Variants in GMEB2 observed in about 807,000 individuals in gnomAD.
The protein encoded by GMEB2 is glucocorticoid modulatory element binding protein 2.
In GMEB2, 7 loss-of-function variants were observed where a neutral mutation model predicts 45.7. The observed-to-expected ratio is 0.15, with a 90% CI of 0.09 to 0.29. The LOEUF (loss-of-function observed/expected upper bound fraction) is 0.29, where lower values mean the gene tolerates loss of function less well. Among genes scored for constraint, GMEB2 ranks in the 10% least tolerant of loss-of-function variants. The pLI is 1.00. For synonymous variants in GMEB2, 322 were observed against 323.6 expected (o/e 1.00, Z 0.05); for missense variants, 582 against 739.2 (o/e 0.79, Z 2.47).
At chr20:63,623,325 G>A (rs2089651114) in intron 1 of GMEB2, among the ~76,000 whole-genome samples, 2 of 152,152 alleles carry the variant, frequency 1.3e-5, no homozygotes, top group Non-Finnish European at 2.9e-5. Context: ...TTTCCCATTA[G>A]GGCATCAGGG....
At chr20:63,591,221 AAC>A (rs35850185) in intron 9 of GMEB2, among the ~76,000 whole-genome samples, 11 of 151,916 alleles carry the variant, frequency 7.2e-5, no homozygotes, top group African/African-American at 2.7e-4. Flanking sequence ...ACAAACAGTG[AAC>A]ACACAAAGTG....
intron 2 of GMEB2, among the ~76,000 whole-genome samples, chr20:63,615,152 C>G (rs1369995823): frequency 6.6e-6 from 1 of 152,146 alleles, no homozygotes; most frequent in Non-Finnish European, 1.5e-5. Context: ...TTGCGATCCT[C>G]CAAACCCAGC....
At chr20:63,624,643 C>T (rs1325667358) in intron 1 of GMEB2, among the ~76,000 whole-genome samples, 1 of 152,168 alleles carries the variant, frequency 6.6e-6, no homozygotes, top group African/African-American at 2.4e-5. Flanking sequence ...CAGGGCTTTG[C>T]AGAGGATTAC....
At chr20:63,600,201 C>T (rs1024766377) in intron 4 of GMEB2, among the ~76,000 whole-genome samples, 14 of 151,852 alleles carry the variant, frequency 9.2e-5, no homozygotes, top group African/African-American at 3.4e-4. Context: ...TGCCACCATG[C>T]CTGGCCAATT....
intron 1 of GMEB2, among the ~76,000 whole-genome samples, chr20:63,626,077 G>C (rs1235586673): frequency 6.6e-6 from 1 of 152,214 alleles, no homozygotes; most frequent in East Asian, 1.9e-4. Context: ...CATGACTGAC[G>C]ACGGGCCCAC....
chr20:63,613,104 G>A (rs187394833), intron 2 of GMEB2, among the ~76,000 whole-genome samples: 1 of 152,188 alleles, frequency 6.6e-6, no homozygotes, highest in Non-Finnish European at 1.5e-5. Context: ...TGGGACTACA[G>A]GTGCCTGCCA....
intron 2 of GMEB2, among the ~76,000 whole-genome samples, chr20:63,608,901 C>A (rs1381048158): frequency 2.9e-5 from 1 of 34,592 alleles, no homozygotes; most frequent in African/African-American, 6.6e-5. Flanking sequence ...CCCCTCTGAC[C>A]TCACCTCCAT....
At chr20:63,598,397 A>G (rs1892677805) in intron 4 of GMEB2, among the ~76,000 whole-genome samples, 1 of 151,242 alleles carries the variant, frequency 6.6e-6, no homozygotes, top group Non-Finnish European at 1.5e-5. Context: ...AGCCAGGGGA[A>G]CCCTCCTGCT....
At chr20:63,604,875 G>A in intron 2 of GMEB2, 35 bp from the exon 3 acceptor site, 1 of 1,215,388 alleles carries the variant, frequency 8.2e-7, no homozygotes, top group Non-Finnish European at 1.2e-6. Context: ...ATAGAATCAG[G>A]ATCCCGGAGG....
In GMEB2 at chr20:63,589,189, C is replaced by A. The variant is rs766901819; in HGVS notation, c.*900G>T. Reference sequence around the variant, plus strand: ...CCAGGACTGAAGCCCTAGGGACACACCTCATGGATCTCAGACCCCTGGGAG... The same window carrying A: ...CCAGGACTGAAGCCCTAGGGACACAACTCATGGATCTCAGACCCCTGGGAG... On this transcript the variant is annotated 3_prime_UTR_variant, in exon 10 of 10. Transcript: ENST00000370077. 7.5e-6 allele frequency: 3 copies of A among 399,228 alleles called. No homozygotes were observed. The highest frequency in any genetic ancestry group is 2.1e-5 in the African/African-American group (1 of 48,760). 24.7% of individuals were successfully genotyped at this position (399,228 alleles called of 1,614,324 possible).
chr20:63,622,620 T>G (rs1177408791), intron 1 of GMEB2, among the ~76,000 whole-genome samples: 1 of 152,070 alleles, frequency 6.6e-6, no homozygotes, highest in Non-Finnish European at 1.5e-5. Flanking sequence ...TCTTCCTACC[T>G]GGGCATGGGT....
intron 5 of GMEB2, among the ~76,000 whole-genome samples, chr20:63,596,682 G>A (rs975881920): frequency 6.6e-6 from 1 of 152,236 alleles, no homozygotes; most frequent in Non-Finnish European, 1.5e-5. Context: ...AAGCAAGGTA[G>A]AGGCCAGGCC....
In GMEB2 at chr20:63,592,476, C is replaced by A; in HGVS notation, c.829+57G>T. ...GGGGCAGGAGGGCCAGTGGCCTCAC[C>A]TCCTGCAGAGACTCCTGGGCTGAGT... On this transcript the variant is annotated intron_variant, in intron 8 of 9. Coordinates refer to ENST00000370077, the MANE Select transcript of GMEB2 (RefSeq NM_012384.5). This position sits in a 1 kb window ranked among gnomAD's most constrained non-coding sequence, Gnocchi z 8.2. 1.4e-6 allele frequency: 2 copies of A among 1,447,600 alleles called. No homozygotes were observed. Among genetic ancestry groups the A allele is most frequent in the Non-Finnish European group, 1.9e-6 (2 of 1,045,032 alleles). 89.7% of individuals were successfully genotyped at this position (1,447,600 alleles called of 1,614,324 possible).
At chr20:63,610,293 A>G (rs1012583973) in intron 2 of GMEB2, among the ~76,000 whole-genome samples, 1 of 152,192 alleles carries the variant, frequency 6.6e-6, no homozygotes, top group Non-Finnish European at 1.5e-5. Flanking sequence ...AGGCCGAGGC[A>G]GGCGGATCAC....
chr20:63,626,643 C>T (rs2089675838), intron 1 of GMEB2, among the ~76,000 whole-genome samples: 1 of 151,724 alleles, frequency 6.6e-6, no homozygotes, highest in Non-Finnish European at 1.5e-5. Flanking sequence ...CCCTGCGGGT[C>T]GCACCCCTGC....
chr20:63,591,229 AAGT>A (rs2083144476), intron 9 of GMEB2, among the ~76,000 whole-genome samples: 1 of 150,426 alleles, frequency 6.6e-6, no homozygotes, highest in East Asian at 2.0e-4. Flanking sequence ...TGAACACACA[AAGT>A]GAAGAGTGAA....
chr20:63,612,541 G>T (rs913047674), intron 2 of GMEB2, among the ~76,000 whole-genome samples: 2 of 152,212 alleles, frequency 1.3e-5, no homozygotes, highest in Non-Finnish European at 2.9e-5. Flanking sequence ...CCACAGAAAT[G>T]ATCTCAACGT....
intron 5 of GMEB2, 42 bp from the exon 6 acceptor site, chr20:63,595,809 A>G: frequency 6.2e-7 from 1 of 1,600,582 alleles, no homozygotes; most frequent in Non-Finnish European, 8.6e-7. Context: ...TCGGCCCCAG[A>G]GCCGAAGGCA....
intron 4 of GMEB2, among the ~76,000 whole-genome samples, chr20:63,600,390 G>A (rs2083233283): frequency 6.6e-6 from 1 of 151,736 alleles, no homozygotes; most frequent in Non-Finnish European, 1.5e-5. Context: ...TGTGGAGCAT[G>A]CAGCTGCCTT....
Sources: gnomAD v4.1 joint callset for allele counts (sites outside exome capture counted in the v4.1 genomes callset) on GRCh38, gnomAD v4.1.1 for gene constraint, Gnocchi (gnomAD v3.1) non-coding constraint, MANE v1.5 for transcripts, NCBI Gene and HGNC (gene_info 2026-07-23, HGNC 2026-07-21) for gene names.